HEMK2: variants seen among roughly 807,000 people sequenced by gnomAD.
The protein encoded by HEMK2 is HemK methyltransferase 2, ETF1 glutamine and histone H4 lysine.
chr21:28,704,456 G>C, the HEMK2 span, among the ~76,000 whole-genome samples: 3 of 150,572 alleles, frequency 2.0e-5, no homozygotes, highest in African/African-American at 7.3e-5. Context: ...ATCTGGGTGA[G>C]AAACAAGTGA....
chr21:28,679,850 A>G, the HEMK2 span, among the ~76,000 whole-genome samples: 2 of 152,126 alleles, frequency 1.3e-5, no homozygotes. Context: ...CTTTGAAACC[A>G]ATGAGAACAA....
At chr21:28,592,030 A>G in the HEMK2 span, among the ~76,000 whole-genome samples, 1 of 152,144 alleles carries the variant, frequency 6.6e-6, no homozygotes, top group Non-Finnish European at 1.5e-5. Context: ...ATGTAATTTT[A>G]TGATAGAACA....
the HEMK2 span, among the ~76,000 whole-genome samples, chr21:28,802,061 G>T: frequency 2.6e-5 from 4 of 152,278 alleles, no homozygotes; most frequent in Non-Finnish European, 5.9e-5. Context: ...GCAAAATGAT[G>T]AGTGTACAAA....
chr21:28,621,257 A>ACAT, the HEMK2 span, among the ~76,000 whole-genome samples: 1 of 152,114 alleles, frequency 6.6e-6, no homozygotes, highest in Non-Finnish European at 1.5e-5. Context: ...AGATTCTGGT[A>ACAT]CATTATGTCT....
the HEMK2 span, among the ~76,000 whole-genome samples, chr21:28,783,593 C>A: frequency 1.3e-5 from 2 of 152,222 alleles, no homozygotes; most frequent in Non-Finnish European, 2.9e-5. Context: ...TGAGAGGTGA[C>A]AGTGTGCTGG....
the HEMK2 span, among the ~76,000 whole-genome samples, chr21:28,775,708 T>A: frequency 6.6e-6 from 1 of 152,184 alleles, no homozygotes; most frequent in East Asian, 1.9e-4. Flanking sequence ...TTTAAGGTCC[T>A]AAAAGGTCAT....
chr21:28,881,973 C>T, the HEMK2 span, among the ~76,000 whole-genome samples: 5 of 152,158 alleles, frequency 3.3e-5, no homozygotes, highest in Non-Finnish European at 7.4e-5. Context: ...GAACTGGGTT[C>T]ACTATCACTT....
chr21:28,851,565 C>T, the HEMK2 span, among the ~76,000 whole-genome samples: 1 of 152,156 alleles, frequency 6.6e-6, no homozygotes, highest in Non-Finnish European at 1.5e-5. Flanking sequence ...CGACAGGCCC[C>T]ACATCACTGA....
At chr21:28,609,201 C>T in the HEMK2 span, among the ~76,000 whole-genome samples, 2 of 152,156 alleles carry the variant, frequency 1.3e-5, no homozygotes, top group Admixed American at 6.5e-5. Flanking sequence ...GACTAGGAGA[C>T]CTGAAGATGG....
the HEMK2 span, among the ~76,000 whole-genome samples, chr21:28,790,748 A>G: frequency 6.9e-6 from 1 of 145,780 alleles, no homozygotes; most frequent in African/African-American, 2.5e-5. Context: ...GATATTGCAT[A>G]TGTGTGTATT....
At chr21:28,687,056 T>C in the HEMK2 span, among the ~76,000 whole-genome samples, 2 of 152,180 alleles carry the variant, frequency 1.3e-5, no homozygotes, top group African/African-American at 2.4e-5. Flanking sequence ...AAGGATATAA[T>C]AAAGGGCATG....
chr21:28,833,982 A>T, the HEMK2 span, among the ~76,000 whole-genome samples: 2 of 152,198 alleles, frequency 1.3e-5, no homozygotes, highest in Admixed American at 1.3e-4. Context: ...TGTTCCAAGA[A>T]CTAAGAGTAT....
chr21:28,837,915 T>C, the HEMK2 span, among the ~76,000 whole-genome samples: 6 of 152,176 alleles, frequency 3.9e-5, no homozygotes, highest in Non-Finnish European at 7.3e-5. Context: ...TGAACACCTT[T>C]ACACACATAA....
At chr21:28,801,828 G>A in the HEMK2 span, among the ~76,000 whole-genome samples, 3 of 152,038 alleles carry the variant, frequency 2.0e-5, no homozygotes. Flanking sequence ...AGAAGAGAAA[G>A]GCAAATTAGA....
the HEMK2 span, among the ~76,000 whole-genome samples, chr21:28,605,836 G>C: frequency 6.6e-6 from 1 of 152,072 alleles, no homozygotes; most frequent in African/African-American, 2.4e-5. Context: ...CCATAACTAG[G>C]ATGTTTCTAT....
chr21:28,687,481 C>A, the HEMK2 span, among the ~76,000 whole-genome samples: 17 of 152,166 alleles, frequency 1.1e-4, no homozygotes, highest in Non-Finnish European at 1.9e-4. Context: ...CATTTATTTG[C>A]AGTGTGTTTT....
At chr21:28,822,862 T>C in the HEMK2 span, among the ~76,000 whole-genome samples, 1 of 122,816 alleles carries the variant, frequency 8.1e-6, no homozygotes, top group East Asian at 2.7e-4. Context: ...GATATTAACG[T>C]CCATTACTCC....
At chr21:28,644,718 T>C in the HEMK2 span, among the ~76,000 whole-genome samples, 1 of 152,190 alleles carries the variant, frequency 6.6e-6, no homozygotes, top group Non-Finnish European at 1.5e-5. Context: ...CCTGAAAATA[T>C]TTAGGTAAAT....
At chr21:28,672,402 CA>C in the HEMK2 span, among the ~76,000 whole-genome samples, 1 of 151,954 alleles carries the variant, frequency 6.6e-6, no homozygotes, top group Non-Finnish European at 1.5e-5. Flanking sequence ...CATATGTTTA[CA>C]AAGAGAGCTT....
Sources: allele counts gnomAD v4.1 joint callset (sites outside exome capture counted in the v4.1 genomes callset), GRCh38; gene constraint gnomAD v4.1.1; transcripts MANE v1.5; gene names NCBI Gene and HGNC (gene_info 2026-07-23, HGNC 2026-07-21).